Variants in PCDHA12 observed in about 807,000 individuals in gnomAD.
PCDHA12 encodes protocadherin alpha 12, also known as protocadherin alpha-12.
A neutral mutation model predicts 60.0 loss-of-function variants in PCDHA12; 44 were observed. The ratio of observed to expected loss-of-function variants is 0.73; its 90% CI spans 0.58 to 0.94. The LOEUF is 0.94. PCDHA12 is among the 40% of genes least tolerant of loss of function. The probability of loss-of-function intolerance (pLI) is 0.00; values close to 1 mark genes in which losing one functional copy is unlikely to be tolerated. For missense variants in PCDHA12, 1,276 were observed against 1,239.7 expected (o/e 1.03, Z -0.44); for synonymous variants, 569 against 553.0 (o/e 1.03, Z -0.40).
intron 1 of PCDHA12, chr5:140,928,911 A>G: frequency 6.2e-7 from 1 of 1,614,184 alleles, no homozygotes; most frequent in Non-Finnish European, 8.5e-7. Flanking sequence ...TCTGGGAACC[A>G]GGAGGGCAGC....
intron 3 of PCDHA12, among the ~76,000 whole-genome samples, chr5:140,986,070 A>G (rs1554247713): frequency 6.6e-6 from 1 of 152,126 alleles, no homozygotes; most frequent in African/African-American, 2.4e-5. Flanking sequence ...TTTTAAAGAA[A>G]CTGTTCATTT....
rs1381718234 is a variant in PCDHA12, at chr5:140,875,580, C to G, written c.108C>G (p.Tyr36Ter). 7 of 1,613,958 alleles carry G rather than the reference C, an allele frequency of 4.3e-6. No individual in the cohort carries two copies. The highest frequency in any genetic ancestry group is 1.7e-5 in the Admixed American group (1 of 60,002). ...VGSGQLHYSV[Y>*]EEAKHGTFVG... ...GCGGCCAGCTCCACTACTCCGTCTA[C>G]GAGGAGGCCAAACACGGCACCTTCG... The change falls in exon 1 of 4, where the codon TAC becomes TAG. Residue 36 changes from tyrosine to a stop codon, truncating the protein, a stop_gained. Coordinates refer to ENST00000398631, the MANE Select transcript of PCDHA12 (RefSeq NM_018903.4). LOFTEE classifies it high-confidence loss of function.
intron 3 of PCDHA12, among the ~76,000 whole-genome samples, chr5:141,008,970 G>A (rs147776833): frequency 6.6e-6 from 1 of 152,236 alleles, no homozygotes; most frequent in East Asian, 1.9e-4. Flanking sequence ...TACATTTATA[G>A]CCAAAGTTTA....
intron 1 of PCDHA12, among the ~76,000 whole-genome samples, chr5:140,945,758 G>A (rs1483102794): frequency 6.6e-6 from 1 of 152,014 alleles, no homozygotes; most frequent in Non-Finnish European, 1.5e-5. Flanking sequence ...ATAAATGGTG[G>A]TGGGACAATT....
chr5:140,895,820 T>A (rs1409721318), intron 1 of PCDHA12, among the ~76,000 whole-genome samples: 2 of 152,156 alleles, frequency 1.3e-5, no homozygotes, highest in Non-Finnish European at 2.9e-5. Context: ...TATTGTATTG[T>A]ATTTTTTTCA....
chr5:141,008,286 A>G (rs944894226), intron 3 of PCDHA12, among the ~76,000 whole-genome samples: 1 of 152,248 alleles, frequency 6.6e-6, no homozygotes, highest in Admixed American at 6.5e-5. Flanking sequence ...TTGAAATAGC[A>G]GTTGTACCCA....
intron 1 of PCDHA12, among the ~76,000 whole-genome samples, chr5:140,952,242 C>A (rs1469286013): frequency 6.6e-6 from 1 of 151,750 alleles, no homozygotes; most frequent in Admixed American, 6.6e-5. Flanking sequence ...CTGCTTAGAA[C>A]TGCTGGTGGA....
rs148820707 is a variant in PCDHA12, at chr5:140,954,545, G to A, written c.2368-24404G>A. ...AGTGATGTTGAGGTTTTTTTCATAT[G>A]TTTGTTGGCTGCATGACTGTCTTCT... On this transcript the variant is annotated intron_variant, in intron 1 of 3. Coordinates refer to ENST00000398631, the MANE Select transcript of PCDHA12 (RefSeq NM_018903.4). 4.6e-3 allele frequency among the ~76,000 whole-genome samples: 702 copies of A among 152,204 alleles called. 2 individuals are homozygous for A. The highest frequency in any genetic ancestry group is 0.016 in the African/African-American group (679 of 41,554).
Position 140,875,490 on chromosome 5 carries a change from A to G in PCDHA12, c.18A>G (p.Pro6=). 6.2e-7 allele frequency: 1 copy of G among 1,612,864 alleles called. No homozygotes were observed. Among genetic ancestry groups the G allele is most frequent in the Non-Finnish European group, 8.5e-7 (1 of 1,179,220 alleles). Reference sequence around the variant, plus strand: ...TTTCTGCAATGGTGATTATCGGACCAAGAGGCCCGGGATCCCAGCGTCTGC... The same window carrying G: ...TTTCTGCAATGGTGATTATCGGACCGAGAGGCCCGGGATCCCAGCGTCTGC... MVIIG[P]RGPGSQRLLL... Residue 6 remains proline (P), a synonymous_variant, in exon 1 of 4, where the codon CCA becomes CCG. Transcript: ENST00000398631.
chr5:140,884,709 C>T (rs2060331114), intron 1 of PCDHA12: 1 of 1,477,632 alleles, frequency 6.8e-7, no homozygotes. Context: ...CTTTAGCCTT[C>T]CTTGCAGTTG....
intron 1 of PCDHA12, chr5:140,883,418 C>G: frequency 6.2e-7 from 1 of 1,614,172 alleles, no homozygotes; most frequent in Non-Finnish European, 8.5e-7. Context: ...CTCAAATGGA[C>G]AGGTCACCTG....
chr5:140,941,403 G>A lies in PCDHA12; in HGVS notation c.2368-37546G>A, dbSNP rs527986544. Among the ~76,000 whole-genome samples, 769 of 142,382 alleles carry A rather than the reference G, an allele frequency of 5.4e-3. 3 individuals carry two copies. The highest frequency in any genetic ancestry group is 0.019 in the African/African-American group (737 of 38,338). The allele number at this position is 142,382 out of a possible 152,430, so 93.4% of individuals were successfully genotyped here. On this transcript the variant is annotated intron_variant, in intron 1 of 3. Coordinates refer to ENST00000398631, the MANE Select transcript of PCDHA12 (RefSeq NM_018903.4). ...AGGATTTTGGCTCACTGCAACCTCC[G>A]CCTCCCGGGTTCAAGCAATTCTCTG...
At chr5:140,974,105 A>G (rs1173287678) in intron 1 of PCDHA12, among the ~76,000 whole-genome samples, 1 of 152,246 alleles carries the variant, frequency 6.6e-6, no homozygotes, top group African/African-American at 2.4e-5. Context: ...GGTTAAAAGT[A>G]TTCTTTTGCA....
At chr5:140,906,443 G>GAAATAA (rs1554192538) in intron 1 of PCDHA12, among the ~76,000 whole-genome samples, 1 of 152,068 alleles carries the variant, frequency 6.6e-6, no homozygotes, top group Non-Finnish European at 1.5e-5. Flanking sequence ...AACAAGAAAG[G>GAAATAA]AAATAAAATG....
At chr5:140,907,582 G>C (rs978225789) in intron 1 of PCDHA12, among the ~76,000 whole-genome samples, 8 of 152,190 alleles carry the variant, frequency 5.3e-5, no homozygotes, top group African/African-American at 1.9e-4. Context: ...CAGGTAGCTG[G>C]CTGATCACCC....
In PCDHA12 at chr5:141,010,127, T is replaced by A. The variant is rs1419190844; in HGVS notation, c.*190T>A. On this transcript the variant is annotated 3_prime_UTR_variant, in exon 4 of 4. Transcript: ENST00000398631. ...TTTGTCGTAAAAGCTTTACTAAGTC[T>A]GGTGTTAACTCTTTCTCTCCACTCT... The A allele has an allele frequency of 1.9e-6, 3 of 1,602,472 alleles. No individual in the cohort carries two copies. Among genetic ancestry groups the A allele is most frequent in the Non-Finnish European group, 2.6e-6 (3 of 1,173,756 alleles).
chr5:140,968,492 G>A (rs2096250539), intron 1 of PCDHA12: 2 of 1,614,074 alleles, frequency 1.2e-6, no homozygotes, highest in African/African-American at 1.3e-5. Flanking sequence ...GAATGACCAT[G>A]CCCCTCACAT....
chr5:140,963,216 T>C (rs868943222), intron 1 of PCDHA12, among the ~76,000 whole-genome samples: 24 of 152,176 alleles, frequency 1.6e-4, no homozygotes, highest in Admixed American at 1.2e-3. Context: ...ACCTCGTGTT[T>C]AGAGTAGACA....
At chr5:140,947,642 C>T (rs62384502) in intron 1 of PCDHA12, among the ~76,000 whole-genome samples, 2 of 151,520 alleles carry the variant, frequency 1.3e-5, no homozygotes, top group East Asian at 1.9e-4. Context: ...ATCGTATGAA[C>T]ATATATACCT....
Sources: allele counts gnomAD v4.1 joint callset (sites outside exome capture counted in the v4.1 genomes callset), GRCh38; gene constraint gnomAD v4.1.1; transcripts MANE v1.5; gene names NCBI Gene and HGNC (gene_info 2026-07-23, HGNC 2026-07-21).